Variants in PRKG1 observed in about 807,000 individuals in gnomAD.
PRKG1 encodes protein kinase cGMP-dependent 1.
In PRKG1, 35 loss-of-function variants were observed where a neutral mutation model predicts 88.1. That is an observed-to-expected ratio of 0.40 (90% CI 0.30 to 0.53). The LOEUF (loss-of-function observed/expected upper bound fraction) is 0.53. PRKG1 is among the 20% of genes least tolerant of loss of function. The pLI is 0.59. For missense variants in PRKG1, 540 were observed against 839.8 expected, an observed-to-expected ratio of 0.64 and a Z score of 4.41; for synonymous variants, 303 against 292.5, an observed-to-expected ratio of 1.04 and a Z score of -0.37.
chr10:51,195,552 T>C (rs1837741277), intron 2 of PRKG1, among the ~76,000 whole-genome samples: 1 of 152,218 alleles, frequency 6.6e-6, no homozygotes, highest in African/African-American at 2.4e-5. Flanking sequence ...ATTTTCTTTT[T>C]ATTAGTCAAT....
At chr10:52,232,394 A>T (rs1840547828) in intron 9 of PRKG1, among the ~76,000 whole-genome samples, 1 of 152,204 alleles carries the variant, frequency 6.6e-6, no homozygotes, top group Non-Finnish European at 1.5e-5. Context: ...TTGGCTCCAG[A>T]ACATCAATGT....
At chr10:51,190,833 C>T (rs577369060) in intron 2 of PRKG1, among the ~76,000 whole-genome samples, 11 of 151,902 alleles carry the variant, frequency 7.2e-5, no homozygotes, top group African/African-American at 2.7e-4. Context: ...AATAAAAGTA[C>T]AAATCCTTCC....
At chr10:51,116,480 G>A (rs576502608) in intron 1 of PRKG1, among the ~76,000 whole-genome samples, 4 of 152,286 alleles carry the variant, frequency 2.6e-5, no homozygotes, top group South Asian at 2.1e-4. Context: ...GGGATGAACA[G>A]TATTCATGTA....
chr10:52,274,956 C>T (rs562103850), intron 12 of PRKG1, among the ~76,000 whole-genome samples: 12 of 152,006 alleles, frequency 7.9e-5, no homozygotes, highest in South Asian at 4.2e-4. Context: ...TTTTTTCATA[C>T]GTTTATTGGC....
Position 51,340,309 on chromosome 10 carries a change from G to A in PRKG1, c.479-127414G>A, listed in dbSNP as rs568559657. 7.2e-5 allele frequency among the ~76,000 whole-genome samples: 11 copies of A among 152,104 alleles called. No individual in the cohort carries two copies. In the East Asian group the frequency reaches 2.1e-3, roughly 29 times the overall value. On this transcript the variant is annotated intron_variant, in intron 2 of 17. Transcript: ENST00000373980. Reference sequence around the variant, plus strand: ...ACTCTAAACCATTTGTTTTTTAAGAGGTTCTTTCTAAGAATATATTGTACT... The same window carrying A: ...ACTCTAAACCATTTGTTTTTTAAGAAGTTCTTTCTAAGAATATATTGTACT...
chr10:52,207,700 A>C (rs1212285520), intron 9 of PRKG1, among the ~76,000 whole-genome samples: 1 of 152,086 alleles, frequency 6.6e-6, no homozygotes, highest in Non-Finnish European at 1.5e-5. Flanking sequence ...CTGAGATTCC[A>C]GGGGTCTATG....
chr10:51,853,204 GATGTTTTA>G (rs1440817698), intron 4 of PRKG1, among the ~76,000 whole-genome samples: 4 of 152,120 alleles, frequency 2.6e-5, no homozygotes, highest in African/African-American at 9.7e-5. Context: ...GTACTGACGT[GATGTTTTA>G]GTATTTATTT....
At chr10:52,040,863 G>T (rs1845739583) in intron 5 of PRKG1, among the ~76,000 whole-genome samples, 1 of 128,568 alleles carries the variant, frequency 7.8e-6, no homozygotes, top group Non-Finnish European at 1.6e-5. Flanking sequence ...TGAGATGGGA[G>T]TCTTGCTTTG....
chr10:51,971,235 G>T (rs996126186), intron 5 of PRKG1, among the ~76,000 whole-genome samples: 1 of 151,858 alleles, frequency 6.6e-6, no homozygotes, highest in Non-Finnish European at 1.5e-5. Flanking sequence ...CTTAACGTGG[G>T]TTGTGCTTGT....
At chr10:51,336,125 G>T (rs759045669) in intron 2 of PRKG1, among the ~76,000 whole-genome samples, 1 of 152,102 alleles carries the variant, frequency 6.6e-6, no homozygotes, top group Non-Finnish European at 1.5e-5. Flanking sequence ...GGCCAAGGTG[G>T]GCAGGTCACC....
At chr10:51,041,433 C>A (rs950890580) in intron 1 of PRKG1, among the ~76,000 whole-genome samples, 2 of 152,204 alleles carry the variant, frequency 1.3e-5, no homozygotes, top group African/African-American at 4.8e-5. Flanking sequence ...TGCTGGGTCA[C>A]ACCTGAAGCT....
chr10:52,270,761 C>T (rs75396038), intron 10 of PRKG1, among the ~76,000 whole-genome samples: 3 of 151,464 alleles, frequency 2.0e-5, no homozygotes, highest in Admixed American at 2.0e-4. Flanking sequence ...AGGAGATATA[C>T]CTAATACTAA....
intron 2 of PRKG1, among the ~76,000 whole-genome samples, chr10:51,382,385 T>C (rs1837130962): frequency 1.3e-5 from 2 of 152,170 alleles, no homozygotes; most frequent in African/African-American, 4.8e-5. Context: ...GAGTCCCATC[T>C]GTGATTAAGT....
chr10:51,445,379 T>G (rs796283590), intron 2 of PRKG1, among the ~76,000 whole-genome samples: 6 of 150,808 alleles, frequency 4.0e-5, no homozygotes, highest in African/African-American at 1.4e-4. Flanking sequence ...ATAAAGTGTT[T>G]GTGGAAATTA....
At chr10:51,001,681 G>A (rs1218799401) in intron 1 of PRKG1, among the ~76,000 whole-genome samples, 1 of 152,082 alleles carries the variant, frequency 6.6e-6, no homozygotes, top group Non-Finnish European at 1.5e-5. Flanking sequence ...TTAAGAAAGG[G>A]AATCCTTAAG....
intron 4 of PRKG1, among the ~76,000 whole-genome samples, chr10:51,849,043 A>C (rs1026806437): frequency 5.9e-5 from 9 of 152,166 alleles, no homozygotes; most frequent in African/African-American, 2.2e-4. Context: ...AGCACTAAGC[A>C]ACTTTGTCCT....
intron 3 of PRKG1, among the ~76,000 whole-genome samples, chr10:51,527,751 A>T (rs1359750985): frequency 6.6e-6 from 1 of 152,206 alleles, no homozygotes; most frequent in Non-Finnish European, 1.5e-5. Context: ...ATAGCAGTAG[A>T]GTTATACAAA....
intron 5 of PRKG1, among the ~76,000 whole-genome samples, chr10:52,051,454 C>T (rs548278238): frequency 1.3e-3 from 203 of 152,288 alleles, no homozygotes; most frequent in Non-Finnish European, 1.9e-3. Flanking sequence ...CCAGACTGTG[C>T]TCTCACACGT....
At chr10:51,283,789 A>G (rs1369388324) in intron 2 of PRKG1, among the ~76,000 whole-genome samples, 1 of 152,214 alleles carries the variant, frequency 6.6e-6, no homozygotes, top group East Asian at 1.9e-4. Context: ...CAAAGAGTTG[A>G]TAAAACTGAT....
Sources: allele counts gnomAD v4.1 joint callset (sites outside exome capture counted in the v4.1 genomes callset), GRCh38; gene constraint gnomAD v4.1.1; transcripts MANE v1.5; gene names NCBI Gene and HGNC (gene_info 2026-07-23, HGNC 2026-07-21).